The following SSC5D variants were observed in gnomAD, a reference collection of about 807,000 sequenced individuals.
The protein encoded by SSC5D is soluble scavenger receptor cysteine-rich domain-containing protein SSC5D.
SSC5D carries 106 observed loss-of-function variants against 104.6 expected under a neutral mutation model. That is an observed-to-expected ratio of 1.01 (90% CI 0.87 to 1.19). SSC5D has a LOEUF of 1.19. Ranked by LOEUF, SSC5D falls within the 50% of genes most tolerant of loss-of-function variation. The pLI is 0.00. For missense variants in SSC5D, 1,993 were observed against 2,153.8 expected (o/e 0.93, Z 1.48); for synonymous variants, 860 against 883.5 (o/e 0.97, Z 0.47).
intron 12 of SSC5D, among the ~76,000 whole-genome samples, chr19:55,501,433 T>G (rs910057851): frequency 6.6e-6 from 1 of 152,180 alleles, no homozygotes; most frequent in Non-Finnish European, 1.5e-5. Flanking sequence ...TCAGCAATCC[T>G]GAGCCCATGG....
rs748519511 is a variant in SSC5D at position 55,489,064 on chromosome 19, C to CG, written c.52+32_52+33insG. 9.0e-4 allele frequency: 157 copies of CG among 174,838 alleles called. 1 individual carries two copies. In the East Asian group the frequency reaches 0.019, roughly 21 times the overall value. 10.8% of individuals were successfully genotyped at this position (174,838 alleles called of 1,614,324 possible). On this transcript the variant is annotated intron_variant, in intron 2 of 13. Coordinates refer to ENST00000389623, the MANE Select transcript of SSC5D (RefSeq NM_001144950.2). ...GCCCAGACTCCTCCCATCTGCCCGC[C>CG]CCCCCCCCCAGGCCTCCCCCTTCTG... is the stretch of plus-strand genomic sequence containing the variant.
In SSC5D at chr19:55,494,260, G is replaced by A. The variant is rs943832836; in HGVS notation, c.1213+348G>A. The stretch of plus-strand genomic sequence containing the variant: ...AGCTGAGAACAGTCCAGCCCCAAAT[G>A]GAAACAGAGGCGAGGATGAGCCTCA... On this transcript the variant is annotated intron_variant, in intron 7 of 13. Transcript: ENST00000389623. 3.3e-5 allele frequency among the ~76,000 whole-genome samples: 5 copies of A among 152,270 alleles called. No homozygotes were observed. In the East Asian group the frequency reaches 7.7e-4, roughly 24 times the overall value.
In SSC5D at chr19:55,495,233, ATTTTTTTTT is replaced by A. The variant is rs74181759; in HGVS notation, c.1387+469_1387+477del. Reference sequence around the variant, plus strand: ...CCTCCTTTCATATATATATATATATATTTTTTTTTTTTTTTTTTTTTTTTTTTGAGAGTG... The same window carrying A: ...CCTCCTTTCATATATATATATATATATTTTTTTTTTTTTTTTTTGAGAGTG... On this transcript the variant is annotated intron_variant, in intron 8 of 13. Coordinates refer to ENST00000389623, the MANE Select transcript of SSC5D (RefSeq NM_001144950.2). Among the ~76,000 whole-genome samples, 37 of 50,662 alleles carry A rather than the reference ATTTTTTTTT, an allele frequency of 7.3e-4. 5 individuals carry two copies. The highest frequency in any genetic ancestry group is 3.3e-3 in the African/African-American group (34 of 10,228). 33.2% of individuals were successfully genotyped at this position (50,662 alleles called of 152,430 possible).
chr19:55,505,351 T>C (rs1274219107), intron 12 of SSC5D, among the ~76,000 whole-genome samples: 1 of 151,784 alleles, frequency 6.6e-6, no homozygotes, highest in Non-Finnish European at 1.5e-5. Context: ...GGGAGAAATT[T>C]GCATTGCCAG....
At chr19:55,512,338 A>G (rs1310900729) in intron 12 of SSC5D, among the ~76,000 whole-genome samples, 1 of 145,958 alleles carries the variant, frequency 6.9e-6, no homozygotes, top group Non-Finnish European at 1.5e-5. Context: ...TAAAATTGCT[A>G]TTATATAGAG....
intron 13 of SSC5D, among the ~76,000 whole-genome samples, chr19:55,515,459 C>T (rs925021668): frequency 8.2e-5 from 12 of 147,024 alleles, no homozygotes; most frequent in Admixed American, 5.5e-4. Flanking sequence ...ATTTGCCGGG[C>T]GCAGTGGCCA....
At position 55,500,807 on chromosome 19, in the gene SSC5D, AC is replaced by A. The variant is rs748485430; in HGVS notation, c.2617+5del. 5 of 1,545,258 alleles carry A rather than the reference AC, an allele frequency of 3.2e-6. No individual in the cohort carries two copies. The African/African-American group carries it at 6.9e-5, about 21-fold the overall frequency. On this transcript the variant is annotated splice_donor_region_variant and intron_variant, in intron 11 of 13. Coordinates refer to ENST00000389623, the MANE Select transcript of SSC5D (RefSeq NM_001144950.2). This position sits in a 1 kb window ranked among gnomAD's most constrained non-coding sequence, Gnocchi z 4.6. ...AGACGTGGGGCTCACCTGCACTGGTACCAGGGCATGGCGGCGGTGGTGGGGT... is the reference window on the plus strand; with the variant it reads ...AGACGTGGGGCTCACCTGCACTGGTACAGGGCATGGCGGCGGTGGTGGGGT...
Position 55,495,233 on chromosome 19 carries a change from A to ATTTTTTT in SSC5D, c.1387+471_1387+477dup, listed in dbSNP as rs74181759. ...CCTCCTTTCATATATATATATATAT[A>ATTTTTTT]TTTTTTTTTTTTTTTTTTTTTTTTT... On this transcript the variant is annotated intron_variant, in intron 8 of 13. Coordinates refer to ENST00000389623, the MANE Select transcript of SSC5D (RefSeq NM_001144950.2). 5.7e-4 allele frequency among the ~76,000 whole-genome samples: 29 copies of ATTTTTTT among 50,658 alleles called. 5 individuals carry two copies. Among genetic ancestry groups the ATTTTTTT allele is most frequent in the Middle Eastern group, 0.013 (1 of 80 alleles). 33.2% of individuals were successfully genotyped at this position (50,658 alleles called of 152,430 possible).
At position 55,517,260 on chromosome 19, in the gene SSC5D, C is replaced by G; in HGVS notation, c.2984C>G (p.Pro995Arg). Reference sequence around the variant, plus strand: ...AAACCGTGGCCCGAGCGCCGGCCACCGCGGCCCGCTGCGACCAGGACAGCG... The same window carrying G: ...AAACCGTGGCCCGAGCGCCGGCCACGGCGGCCCGCTGCGACCAGGACAGCG... ...PRKPWPERRP[P>R]RPAATRTAPP... Residue 995 changes from proline (P) to arginine (R), a missense_variant, in exon 14 of 14, where the codon CCG becomes CGG. Coordinates refer to ENST00000389623, the MANE Select transcript of SSC5D (RefSeq NM_001144950.2). 1 of 1,543,904 alleles carries G rather than the reference C, an allele frequency of 6.5e-7. No individual in the cohort carries two copies. Among genetic ancestry groups the G allele is most frequent in the Non-Finnish European group, 8.7e-7 (1 of 1,146,314 alleles).
At chr19:55,491,141 C>G in intron 6 of SSC5D, 61 bp downstream of exon 6, 1 of 1,491,196 alleles carries the variant, frequency 6.7e-7, no homozygotes, top group South Asian at 1.3e-5. Flanking sequence ...CCCTCTTGCC[C>G]CTCCAGGAAG....
At chr19:55,509,850 C>CAAAAAAAAAAAAA (rs1250937223) in intron 12 of SSC5D, among the ~76,000 whole-genome samples, 2 of 75,982 alleles carry the variant, frequency 2.6e-5, no homozygotes, top group African/African-American at 9.0e-5. Flanking sequence ...AACTCTGTCT[C>CAAAAAAAAAAAAA]AAAAAAAAAA....
In SSC5D at chr19:55,503,225, G is replaced by A. The variant is rs2123447448; in HGVS notation, c.2785+2024G>A. Among the ~76,000 whole-genome samples the A allele has an allele frequency of 6.6e-6, 1 of 152,290 alleles. No individual in the cohort carries two copies. The highest frequency in any genetic ancestry group is 2.1e-4 in the South Asian group (1 of 4,824). ...CAAAGTGCTGGAATTGCAGGCGGGA[G>A]CCACTGGGCCCAAACTGTTTCTGTA... On this transcript the variant is annotated intron_variant, in intron 12 of 13. Coordinates refer to ENST00000389623, the MANE Select transcript of SSC5D (RefSeq NM_001144950.2). The surrounding 1 kb of genome is among the most constrained non-coding windows in gnomAD (Gnocchi z 4.0).
At chr19:55,517,101 A>G (rs117041589) in intron 13 of SSC5D, 123 bp from the exon 14 acceptor site, 21,240 of 876,678 alleles carry the variant, frequency 0.024, 328 homozygotes, top group South Asian at 0.042. Context: ...TCTGCCGGTG[A>G]CCCATGACGT....
chr19:55,505,864 G>A (rs888274266), intron 12 of SSC5D, among the ~76,000 whole-genome samples: 1 of 151,764 alleles, frequency 6.6e-6, no homozygotes, highest in Non-Finnish European at 1.5e-5. Flanking sequence ...AGCCTCCTGA[G>A]TAGCTGGGAT....
At chr19:55,513,296 A>G in intron 13 of SSC5D, 124 bp downstream of exon 13, 1 of 1,049,402 alleles carries the variant, frequency 9.5e-7, no homozygotes, top group East Asian at 2.8e-5. Context: ...ACCCTAAAAC[A>G]AAGGGTTATC....
At position 55,489,990 on chromosome 19, in the gene SSC5D, C is replaced by A. The variant is rs1352490093; in HGVS notation, c.470C>A (p.Thr157Lys). Residue 157 changes from threonine (T) to lysine (K), a missense_variant, in exon 4 of 14, where the codon ACA becomes AAA. This residue lies in a region of SSC5D where 1,101 missense variants were observed against 1,085.0 expected (regional missense o/e 1.01). Transcript: ENST00000389623. ...CCCAGCACGGAGGAGCCCCTGGTGACACATGGTGAGCCCAGGGGACTGCCC... is the reference window on the plus strand; with the variant it reads ...CCCAGCACGGAGGAGCCCCTGGTGAAACATGGTGAGCCCAGGGGACTGCCC... ...LSPSTEEPLV[T>K]HAPRPAGNPQ... The A allele has an allele frequency of 6.5e-7, 1 of 1,548,368 alleles. No homozygotes were observed. The highest frequency in any genetic ancestry group is 1.4e-5 in the African/African-American group (1 of 72,808).
Position 55,497,865 on chromosome 19 carries a change from T to C in SSC5D, c.1388-15T>C, listed in dbSNP as rs1599918863. ...GCTTCCCCGACTCTAATTCTTTGGG[T>C]CTCTTCTACCCCAGGGTCCCCCCAG... On this transcript the variant is annotated splice_polypyrimidine_tract_variant and intron_variant, in intron 8 of 13. Transcript: ENST00000389623. 2.0e-6 allele frequency: 3 copies of C among 1,508,558 alleles called. No individual in the cohort carries two copies. The highest frequency in any genetic ancestry group is 2.7e-6 in the Non-Finnish European group (3 of 1,121,490). The allele number at this position is 1,508,558 out of a possible 1,614,324, so 93.4% of individuals were successfully genotyped here. A position where few individuals can be genotyped will look rare whatever the true frequency, so the allele number is the denominator to read the frequency against.
intron 12 of SSC5D, among the ~76,000 whole-genome samples, chr19:55,507,144 G>T (rs908736540): frequency 1.3e-5 from 2 of 151,626 alleles, no homozygotes; most frequent in African/African-American, 4.8e-5. Flanking sequence ...ACTCCAGCCT[G>T]GGTGACAGAG....
rs962284138 is a variant in SSC5D at position 55,503,717 on chromosome 19, G to A, written c.2785+2516G>A. Reference sequence around the variant, plus strand: ...CTGCTCGCCGTCTGGGGCTGCCTGGGTTTCTGCCTCTGTCGCCCCGCGCCC... The same window carrying A: ...CTGCTCGCCGTCTGGGGCTGCCTGGATTTCTGCCTCTGTCGCCCCGCGCCC... On this transcript the variant is annotated intron_variant, in intron 12 of 13. Coordinates refer to ENST00000389623, the MANE Select transcript of SSC5D (RefSeq NM_001144950.2). The surrounding 1 kb of genome is among the most constrained non-coding windows in gnomAD (Gnocchi z 4.0). Among the ~76,000 whole-genome samples, 1 of 152,124 alleles carries A rather than the reference G, an allele frequency of 6.6e-6. No individual in the cohort carries two copies. Among genetic ancestry groups the A allele is most frequent in the Non-Finnish European group, 1.5e-5 (1 of 68,030 alleles).
Sources: allele counts gnomAD v4.1 joint callset (sites outside exome capture counted in the v4.1 genomes callset), GRCh38; gene constraint gnomAD v4.1.1; regional missense constraint gnomAD v4.1.1; non-coding constraint Gnocchi (gnomAD v3.1); transcripts MANE v1.5; gene names NCBI Gene and HGNC (gene_info 2026-07-23, HGNC 2026-07-21).